SOX5: variants seen among roughly 807,000 people sequenced by gnomAD.
The protein encoded by SOX5 is transcription factor SOX-5.
Under a neutral mutation model 92.0 loss-of-function variants are expected in SOX5, and 9 were observed. The ratio of observed to expected loss-of-function variants is 0.10; its 90% CI spans 0.06 to 0.17. The LOEUF is 0.17. Ranked by LOEUF, SOX5 falls within the 10% of genes least tolerant of loss-of-function variation. The pLI is 1.00. For synonymous variants in SOX5, 344 were observed against 336.3 expected, an observed-to-expected ratio of 1.02 and a Z score of -0.25; for missense variants, 642 against 944.5, an observed-to-expected ratio of 0.68 and a Z score of 4.20.
intron 3 of SOX5, among the ~76,000 whole-genome samples, chr12:23,829,991 T>A (rs543920703): frequency 6.6e-6 from 1 of 152,242 alleles, no homozygotes; most frequent in Admixed American, 6.5e-5. Flanking sequence ...CAAGCAGAAT[T>A]TCTGAGCCTT....
intron 4 of SOX5, among the ~76,000 whole-genome samples, chr12:24,168,341 G>A (rs1030785332): frequency 2.6e-5 from 4 of 151,892 alleles, no homozygotes; most frequent in Non-Finnish European, 5.9e-5. Flanking sequence ...AAACCCATTT[G>A]GTGCAATTCT....
intron 4 of SOX5, among the ~76,000 whole-genome samples, chr12:24,017,767 A>G (rs1350282004): frequency 2.0e-5 from 3 of 151,982 alleles, no homozygotes; most frequent in Non-Finnish European, 2.9e-5. Context: ...GCTGTCTCCA[A>G]CCTTCACCAT....
chr12:23,976,398 CAAAAAAACAAAAAAA>C (rs1325598375), intron 4 of SOX5, among the ~76,000 whole-genome samples: 1 of 106,776 alleles, frequency 9.4e-6, no homozygotes, highest in Non-Finnish European at 1.8e-5. Flanking sequence ...ATTAAAAAAA[CAAAAAAACAAAAAAA>C]AAAAAAAAAA....
chr12:23,550,695 T>G (rs1302626749), intron 11 of SOX5, among the ~76,000 whole-genome samples: 1 of 151,918 alleles, frequency 6.6e-6, no homozygotes, highest in African/African-American at 2.4e-5. Context: ...AATTTCATAC[T>G]CAGGCATGAT....
intron 4 of SOX5, among the ~76,000 whole-genome samples, chr12:24,116,417 A>C (rs555988795): frequency 4.6e-5 from 7 of 152,168 alleles, no homozygotes; most frequent in African/African-American, 1.7e-4. Flanking sequence ...ATGAGAAAAA[A>C]TATCTCAAGG....
chr12:24,119,159 A>G (rs1222246086), intron 4 of SOX5, among the ~76,000 whole-genome samples: 1 of 152,116 alleles, frequency 6.6e-6, no homozygotes, highest in Admixed American at 6.5e-5. Context: ...GTCTGAAGGG[A>G]ATATTCTCTC....
intron 8 of SOX5, among the ~76,000 whole-genome samples, chr12:23,605,904 T>C (rs1371387135): frequency 6.6e-6 from 1 of 152,144 alleles, no homozygotes; most frequent in African/African-American, 2.4e-5. Context: ...CAGAAAAATA[T>C]TTTTATATTA....
At chr12:24,369,650 A>G (rs1595989029) in intron 1 of SOX5, among the ~76,000 whole-genome samples, 1 of 152,234 alleles carries the variant, frequency 6.6e-6, no homozygotes, top group African/African-American at 2.4e-5. Flanking sequence ...AAAACAAACC[A>G]TAACTGTGAG....
intron 4 of SOX5, among the ~76,000 whole-genome samples, chr12:24,093,430 G>A (rs1944912256): frequency 6.6e-6 from 1 of 151,822 alleles, no homozygotes; most frequent in South Asian, 2.1e-4. Context: ...AGCTGAGGCA[G>A]GAGAATGGCG....
At chr12:24,188,101 T>C (rs983992231) in intron 4 of SOX5, among the ~76,000 whole-genome samples, 1 of 152,186 alleles carries the variant, frequency 6.6e-6, no homozygotes, top group African/African-American at 2.4e-5. Flanking sequence ...CAGAGAATTA[T>C]AGTTATGATC....
chr12:24,094,395 G>A (rs1283628411), intron 4 of SOX5, among the ~76,000 whole-genome samples: 1 of 148,508 alleles, frequency 6.7e-6, no homozygotes, highest in Non-Finnish European at 1.5e-5. Context: ...CTGCAAAATT[G>A]TAAAGTTCTA....
Position 23,941,403 on chromosome 12 carries a change from T to C in SOX5, c.38+8161A>G, listed in dbSNP as rs1333216657. Reference sequence around the variant, plus strand: ...CTGTTTATAGGTCAAATTAGATCCATATTATTTTTCAAGTAATGCTAACAT... The same window carrying C: ...CTGTTTATAGGTCAAATTAGATCCACATTATTTTTCAAGTAATGCTAACAT... On this transcript the variant is annotated intron_variant, in intron 1 of 14. Transcript: ENST00000451604. 2.0e-5 allele frequency among the ~76,000 whole-genome samples: 3 copies of C among 151,592 alleles called. No homozygotes were observed. The East Asian group carries it at 5.8e-4, about 29-fold the overall frequency.
At chr12:23,804,937 A>C (rs1425404571) in intron 3 of SOX5, among the ~76,000 whole-genome samples, 1 of 31,350 alleles carries the variant, frequency 3.2e-5, no homozygotes, top group Non-Finnish European at 6.1e-5. Context: ...ATATATATAT[A>C]TATATATATA....
At chr12:23,840,134 C>A (rs1398219919) in intron 3 of SOX5, among the ~76,000 whole-genome samples, 1 of 151,712 alleles carries the variant, frequency 6.6e-6, no homozygotes, top group Non-Finnish European at 1.5e-5. Flanking sequence ...CCTGAAAGGC[C>A]AAAGGATGCA....
Position 24,171,213 on chromosome 12 carries a change from TTTTGTTTGTTTGTTTG to T in SOX5, c.-2+42114_-2+42129del, listed in dbSNP as rs1214413475. ...TTTTATTTCATTGGCCAACAGTTTTTTTTGTTTGTTTGTTTGTTTTTTTTTTTGGAGACAGAGTCTC... is the reference window on the plus strand; with the variant it reads ...TTTTATTTCATTGGCCAACAGTTTTTTTTTTTTTTTTGGAGACAGAGTCTC... On this transcript the variant is annotated intron_variant, in intron 4 of 4. Transcript: ENST00000446891. 2.5e-4 allele frequency among the ~76,000 whole-genome samples: 9 copies of T among 35,834 alleles called. 1 individual carries two copies. Among genetic ancestry groups the T allele is most frequent in the Non-Finnish European group, 3.3e-4 (6 of 17,926 alleles). The allele number at this position is 35,834 out of a possible 152,430, so 23.5% of individuals were successfully genotyped here. A position where few individuals can be genotyped will look rare whatever the true frequency, so the allele number is the denominator to read the frequency against.
chr12:24,562,105 C>T (rs1208553407), intron 1 of SOX5, among the ~76,000 whole-genome samples: 1 of 152,220 alleles, frequency 6.6e-6, no homozygotes, highest in Non-Finnish European at 1.5e-5. Flanking sequence ...CTCCGCGCCT[C>T]GGGCCGCCTC....
At chr12:24,172,795 T>C (rs1226228522) in intron 4 of SOX5, among the ~76,000 whole-genome samples, 1 of 152,120 alleles carries the variant, frequency 6.6e-6, no homozygotes, top group Non-Finnish European at 1.5e-5. Context: ...AGCAAACAGG[T>C]CCAATAAAAG....
chr12:23,538,132 T>G (rs1343766197), intron 13 of SOX5, among the ~76,000 whole-genome samples: 13 of 152,116 alleles, frequency 8.5e-5, no homozygotes, highest in Admixed American at 8.5e-4. Context: ...TTCGAATGAG[T>G]TCATTACTCA....
intron 2 of SOX5, among the ~76,000 whole-genome samples, chr12:23,853,651 T>C (rs77116491): frequency 6.6e-6 from 1 of 151,400 alleles, no homozygotes; most frequent in East Asian, 2.0e-4. Flanking sequence ...AAGAATAAAA[T>C]GTATGTTTTC....
Sources: allele counts gnomAD v4.1 joint callset (sites outside exome capture counted in the v4.1 genomes callset), GRCh38; gene constraint gnomAD v4.1.1; transcripts MANE v1.5; gene names NCBI Gene and HGNC (gene_info 2026-07-23, HGNC 2026-07-21).